MAGI2: variants seen among roughly 807,000 people sequenced by gnomAD.
MAGI2 encodes the protein membrane-associated guanylate kinase, WW and PDZ domain-containing protein 2.
Under a neutral mutation model 133.3 loss-of-function variants are expected in MAGI2, and 35 were observed. The ratio of observed to expected loss-of-function variants is 0.26; its 90% CI spans 0.20 to 0.35. The LOEUF (loss-of-function observed/expected upper bound fraction) is 0.35. MAGI2 is among the 10% of genes least tolerant of loss of function. The pLI is 1.00. For missense variants in MAGI2, 1,636 were observed against 1,863.4 expected (o/e 0.88, Z 2.25); for synonymous variants, 729 against 710.6 (o/e 1.03, Z -0.41).
chr7:78,568,215 A>G (rs1426699321), intron 3 of MAGI2: 1 of 152,008 alleles, frequency 6.6e-6, no homozygotes, highest in Non-Finnish European at 1.5e-5. Context: ...TCACTTCTCT[A>G]TCTATACTCA....
chr7:78,672,065 A>T (rs569721435), intron 2 of MAGI2, among the ~76,000 whole-genome samples: 1 of 152,280 alleles, frequency 6.6e-6, no homozygotes, highest in African/African-American at 2.4e-5. Flanking sequence ...AGAAATGTTC[A>T]TTGTTCTTTC....
At chr7:78,404,786 A>C (rs1583929094) in intron 6 of MAGI2, among the ~76,000 whole-genome samples, 1 of 152,156 alleles carries the variant, frequency 6.6e-6, no homozygotes, top group African/African-American at 2.4e-5. Flanking sequence ...AAAATACCTA[A>C]AGCAATGGCA....
intron 1 of MAGI2, among the ~76,000 whole-genome samples, chr7:79,178,047 T>A (rs989499070): frequency 1.3e-5 from 2 of 152,012 alleles, no homozygotes; most frequent in African/African-American, 4.8e-5. Context: ...CCATCTATCA[T>A]ATCTTCAAAG....
intron 3 of MAGI2, among the ~76,000 whole-genome samples, chr7:78,613,866 T>C (rs1806754851): frequency 6.6e-6 from 1 of 152,156 alleles, no homozygotes. Context: ...CCCGGCACTT[T>C]GGGAGGCTGA....
intron 2 of MAGI2, among the ~76,000 whole-genome samples, chr7:78,927,269 G>T (rs527273069): frequency 1.3e-5 from 2 of 151,798 alleles, no homozygotes; most frequent in Admixed American, 6.6e-5. Context: ...AATATTTTTT[G>T]AGCTTTCTTC....
chr7:78,859,424 G>A (rs486260), intron 2 of MAGI2, among the ~76,000 whole-genome samples: 142,341 of 150,512 alleles, frequency 0.95, 67,719 homozygotes, highest in Non-Finnish European at 1. Flanking sequence ...AGGTCTTTTA[G>A]GGCAGGCCTG....
intron 2 of MAGI2, among the ~76,000 whole-genome samples, chr7:78,856,222 C>A (rs375219926): frequency 6.6e-6 from 1 of 152,046 alleles, no homozygotes; most frequent in African/African-American, 2.4e-5. Context: ...TCTGATGGTA[C>A]TTTCTTTTGC....
rs117878316 is a variant in MAGI2, at chr7:78,803,678, T to G, written c.419-176439A>C. On this transcript the variant is annotated intron_variant, in intron 2 of 21. Coordinates refer to ENST00000354212, the MANE Select transcript of MAGI2 (RefSeq NM_012301.4). ...GGGAAAAAGGAAATGCTGACGCGTG[T>G]GTTGAATAATATTTATGGCTTATAT... 2.6e-5 allele frequency among the ~76,000 whole-genome samples: 4 copies of G among 152,346 alleles called. No homozygotes were observed. The East Asian group carries it at 5.8e-4, about 22-fold the overall frequency.
chr7:78,048,551 A>G (rs992323255), intron 21 of MAGI2, among the ~76,000 whole-genome samples: 1 of 152,108 alleles, frequency 6.6e-6, no homozygotes, highest in African/African-American at 2.4e-5. Flanking sequence ...TCTGGGTGGT[A>G]TTTCTCACTA....
At chr7:79,327,234 C>T (rs1839762217) in intron 1 of MAGI2, among the ~76,000 whole-genome samples, 1 of 152,080 alleles carries the variant, frequency 6.6e-6, no homozygotes, top group Non-Finnish European at 1.5e-5. Context: ...AGCTCCTGGC[C>T]ATAGGGTAAA....
At chr7:79,249,197 C>T (rs181582107) in intron 1 of MAGI2, among the ~76,000 whole-genome samples, 41 of 151,782 alleles carry the variant, frequency 2.7e-4, no homozygotes, top group African/African-American at 8.7e-4. Context: ...AAGTTTATGG[C>T]GATAAGTACC....
At chr7:78,496,594 C>T (rs1794105893) in intron 5 of MAGI2, among the ~76,000 whole-genome samples, 1 of 152,052 alleles carries the variant, frequency 6.6e-6, no homozygotes, top group South Asian at 2.1e-4. Context: ...CTTTTTTTCT[C>T]AGCCAATGTT....
chr7:78,129,753 T>C (rs1046992919), intron 18 of MAGI2, among the ~76,000 whole-genome samples: 5 of 152,018 alleles, frequency 3.3e-5, no homozygotes, highest in African/African-American at 1.2e-4. Flanking sequence ...GAGACTAACA[T>C]GGAGAAACCC....
chr7:78,663,068 A>G (rs12705692), intron 2 of MAGI2, among the ~76,000 whole-genome samples: 38,447 of 152,036 alleles, frequency 0.25, 5,532 homozygotes, highest in Non-Finnish European at 0.32. Context: ...TGCAAATTTG[A>G]ATGGAACTAA....
intron 20 of MAGI2, among the ~76,000 whole-genome samples, chr7:78,117,459 A>G (rs2150486111): frequency 6.6e-6 from 1 of 152,260 alleles, no homozygotes; most frequent in Non-Finnish European, 1.5e-5. Flanking sequence ...ATGCAGAAAA[A>G]GTAGACAAAA....
intron 1 of MAGI2, among the ~76,000 whole-genome samples, chr7:79,281,021 G>A (rs1483596664): frequency 6.9e-6 from 1 of 145,184 alleles, no homozygotes; most frequent in Admixed American, 7.0e-5. Flanking sequence ...TAACCTAACT[G>A]TTTCAAATAA....
chr7:78,257,744 T>G (rs968765135), intron 9 of MAGI2, among the ~76,000 whole-genome samples: 7 of 152,178 alleles, frequency 4.6e-5, no homozygotes, highest in Non-Finnish European at 1.0e-4. Flanking sequence ...AAATTGAGCT[T>G]GCAAATTGAG....
chr7:78,441,181 TAA>T (rs1421956771), intron 6 of MAGI2, among the ~76,000 whole-genome samples: 8 of 152,208 alleles, frequency 5.3e-5, no homozygotes, highest in African/African-American at 1.2e-4. Flanking sequence ...AGCTGCCTTC[TAA>T]GTTTTCTACT....
chr7:79,038,313 G>C (rs1811306889), intron 1 of MAGI2, among the ~76,000 whole-genome samples: 2 of 152,096 alleles, frequency 1.3e-5, no homozygotes, highest in African/African-American at 4.8e-5. Context: ...CAAGCTGAGA[G>C]TTTTTTCTTT....
Sources: gnomAD v4.1 joint callset for allele counts (sites outside exome capture counted in the v4.1 genomes callset) on GRCh38, gnomAD v4.1.1 for gene constraint, MANE v1.5 for transcripts, NCBI Gene and HGNC (gene_info 2026-07-23, HGNC 2026-07-21) for gene names.